PPARGC1A: variants seen among roughly 807,000 people sequenced by gnomAD.
The protein encoded by PPARGC1A is PPARG coactivator 1 alpha, also known as peroxisome proliferator-activated receptor gamma coactivator 1-alpha.
Under a neutral mutation model 88.7 loss-of-function variants are expected in PPARGC1A, and 25 were observed. That is an observed-to-expected ratio of 0.28 (90% CI 0.21 to 0.39). The LOEUF (loss-of-function observed/expected upper bound fraction) is 0.39, where lower values mean the gene tolerates loss of function less well. PPARGC1A is among the 10% of genes least tolerant of loss of function. PPARGC1A has a pLI of 1.00. For synonymous variants in PPARGC1A, 363 were observed against 355.6 expected, an observed-to-expected ratio of 1.02 and a Z score of -0.24; for missense variants, 880 against 968.7, an observed-to-expected ratio of 0.91 and a Z score of 1.22.
At chr4:24,466,281 G>A in the PPARGC1A span, among the ~76,000 whole-genome samples, 112 of 152,292 alleles carry the variant, frequency 7.4e-4, no homozygotes, top group Non-Finnish European at 1.3e-3. Flanking sequence ...GCAAACAAAG[G>A]AGATATTCAC....
At chr4:23,797,194 CGG>C (rs1029143541) in intron 12 of PPARGC1A, among the ~76,000 whole-genome samples, 10 of 152,084 alleles carry the variant, frequency 6.6e-5, no homozygotes, top group African/African-American at 2.2e-4. Flanking sequence ...TCATAAAAAA[CGG>C]AGACAAAACT....
chr4:24,108,996 T>TCACA, the PPARGC1A span, among the ~76,000 whole-genome samples: 32 of 139,280 alleles, frequency 2.3e-4, no homozygotes, highest in South Asian at 1.7e-3. Context: ...GCTATAAAAA[T>TCACA]CACACACACA....
the PPARGC1A span, among the ~76,000 whole-genome samples, chr4:24,157,805 C>T: frequency 6.6e-6 from 1 of 152,158 alleles, no homozygotes; most frequent in African/African-American, 2.4e-5. Flanking sequence ...CGGCATCCTT[C>T]TAACTGGTCT....
chr4:23,912,257 C>A, the PPARGC1A span, among the ~76,000 whole-genome samples: 1 of 152,078 alleles, frequency 6.6e-6, no homozygotes, highest in East Asian at 1.9e-4. Context: ...GGACTTAACA[C>A]CCCTGGCTTC....
At chr4:24,118,518 C>T in the PPARGC1A span, among the ~76,000 whole-genome samples, 1 of 152,098 alleles carries the variant, frequency 6.6e-6, no homozygotes, top group African/African-American at 2.4e-5. Context: ...ACACAGAGCG[C>T]TCACCAAAGG....
At chr4:24,345,822 G>C in the PPARGC1A span, among the ~76,000 whole-genome samples, 21 of 152,100 alleles carry the variant, frequency 1.4e-4, no homozygotes, top group Admixed American at 1.1e-3. Context: ...CTATGTTGAA[G>C]AGGAGTGGTG....
the PPARGC1A span, among the ~76,000 whole-genome samples, chr4:23,989,431 A>C: frequency 6.6e-6 from 1 of 152,032 alleles, no homozygotes; most frequent in South Asian, 2.1e-4. Context: ...TCTAAGTATT[A>C]TCATATCTTA....
chr4:24,414,550 C>T, the PPARGC1A span, among the ~76,000 whole-genome samples: 29,788 of 152,040 alleles, frequency 0.2, 3,962 homozygotes, highest in African/African-American at 0.37. Flanking sequence ...TCAGTGGTCC[C>T]CAGTCTCGAC....
chr4:24,214,219 T>G, the PPARGC1A span, among the ~76,000 whole-genome samples: 3 of 152,218 alleles, frequency 2.0e-5, no homozygotes, highest in African/African-American at 7.2e-5. Flanking sequence ...CCCTGAGAAC[T>G]GTTAATATAG....
chr4:24,044,703 T>C, the PPARGC1A span, among the ~76,000 whole-genome samples: 1 of 152,166 alleles, frequency 6.6e-6, no homozygotes, highest in East Asian at 1.9e-4. Flanking sequence ...CAAAATGGCA[T>C]GTGGTGACAG....
chr4:24,138,996 C>G, the PPARGC1A span, among the ~76,000 whole-genome samples: 1 of 152,148 alleles, frequency 6.6e-6, no homozygotes, highest in Non-Finnish European at 1.5e-5. Flanking sequence ...AAGCTTGTTT[C>G]CATTAGCAGT....
the PPARGC1A span, among the ~76,000 whole-genome samples, chr4:24,259,699 G>T: frequency 6.6e-6 from 1 of 152,164 alleles, no homozygotes; most frequent in Admixed American, 6.5e-5. Flanking sequence ...AAATTCTAGT[G>T]TGAAGGCACT....
At chr4:24,035,088 G>A in the PPARGC1A span, among the ~76,000 whole-genome samples, 1 of 152,156 alleles carries the variant, frequency 6.6e-6, no homozygotes, top group African/African-American at 2.4e-5. Flanking sequence ...TCTGCTTCAG[G>A]AGAGCAATAC....
At chr4:24,401,256 G>C in the PPARGC1A span, among the ~76,000 whole-genome samples, 1 of 151,946 alleles carries the variant, frequency 6.6e-6, no homozygotes, top group African/African-American at 2.4e-5. Flanking sequence ...CTGACCTCAT[G>C]ATCTGCCTGC....
the PPARGC1A span, among the ~76,000 whole-genome samples, chr4:24,287,207 C>CAA: frequency 1.4e-3 from 197 of 144,946 alleles, 1 homozygote; most frequent in Non-Finnish European, 1.1e-3. Flanking sequence ...CAGTTGTGAC[C>CAA]AAAAAAAAAA....
rs1169604729 is a variant in PPARGC1A at position 23,792,796 on chromosome 4, A to G, written c.*3026T>C. 3 of 152,516 alleles carry G rather than the reference A, an allele frequency of 2.0e-5. No homozygotes were observed. Among genetic ancestry groups the G allele is most frequent in the Non-Finnish European group, 4.4e-5 (3 of 68,020 alleles). The allele number at this position is 152,516 out of a possible 1,614,324, so 9.4% of individuals were successfully genotyped here. On this transcript the variant is annotated 3_prime_UTR_variant, in exon 13 of 13. Coordinates refer to ENST00000264867, the MANE Select transcript of PPARGC1A (RefSeq NM_013261.5). ...GAAATATTCTCTCCCAAAAAAATAA[A>G]AATAAAAATGAGAGGAGCACAGCTT...
the PPARGC1A span, among the ~76,000 whole-genome samples, chr4:24,017,002 G>T: frequency 6.6e-6 from 1 of 152,160 alleles, no homozygotes; most frequent in African/African-American, 2.4e-5. Context: ...GAAGAGAACA[G>T]AGATAGCAAA....
chr4:24,416,566 C>G, the PPARGC1A span, among the ~76,000 whole-genome samples: 2 of 152,090 alleles, frequency 1.3e-5, no homozygotes, highest in Non-Finnish European at 1.5e-5. Flanking sequence ...TCAGGTGACT[C>G]AAGACTCTGG....
the PPARGC1A span, among the ~76,000 whole-genome samples, chr4:24,266,297 C>T: frequency 3.3e-5 from 5 of 152,066 alleles, no homozygotes; most frequent in South Asian, 4.2e-4. Flanking sequence ...TAAGGTGTGC[C>T]GCTGAGGAGT....
Sources: gnomAD v4.1 joint callset for allele counts (sites outside exome capture counted in the v4.1 genomes callset) on GRCh38, gnomAD v4.1.1 for gene constraint, MANE v1.5 for transcripts, NCBI Gene and HGNC (gene_info 2026-07-23, HGNC 2026-07-21) for gene names.